The following MDGA2 variants were observed in gnomAD, a reference collection of about 807,000 sequenced individuals.
MDGA2 encodes MAM domain-containing glycosylphosphatidylinositol anchor protein 2.
MDGA2 carries 40 observed loss-of-function variants against 117.8 expected under a neutral mutation model. The observed-to-expected ratio is 0.34, with a 90% CI of 0.26 to 0.44. The LOEUF (loss-of-function observed/expected upper bound fraction) is 0.44, where lower values mean the gene tolerates loss of function less well. Among genes scored for constraint, MDGA2 ranks in the 20% least tolerant of loss-of-function variants. The pLI, the probability that MDGA2 is intolerant of heterozygous loss-of-function variation, is 1.00. For missense variants in MDGA2, 1,123 were observed against 1,250.6 expected, an observed-to-expected ratio of 0.90 and a Z score of 1.54; for synonymous variants, 452 against 439.0, an observed-to-expected ratio of 1.03 and a Z score of -0.37.
chr14:47,559,638 T>A (rs1334897923), intron 1 of MDGA2, among the ~76,000 whole-genome samples: 1 of 151,632 alleles, frequency 6.6e-6, no homozygotes, highest in Non-Finnish European at 1.5e-5. Context: ...AATGGCACGA[T>A]CTTGGCTCAC....
At chr14:47,290,335 G>T (rs1268875512) in intron 2 of MDGA2, among the ~76,000 whole-genome samples, 1 of 151,960 alleles carries the variant, frequency 6.6e-6, no homozygotes, top group Non-Finnish European at 1.5e-5. Flanking sequence ...AAAATAAAAA[G>T]GAGAACAAGT....
chr14:47,241,186 A>G (rs1367221037), intron 2 of MDGA2, among the ~76,000 whole-genome samples: 1 of 151,892 alleles, frequency 6.6e-6, no homozygotes, highest in Non-Finnish European at 1.5e-5. Flanking sequence ...AGTGTAACTA[A>G]TTCAACTCTC....
intron 1 of MDGA2, among the ~76,000 whole-genome samples, chr14:47,496,936 A>AT: frequency 6.6e-6 from 1 of 152,136 alleles, no homozygotes; most frequent in Non-Finnish European, 1.5e-5. Flanking sequence ...ATCATCAGGC[A>AT]TTAGATTCTC....
intron 14 of MDGA2, among the ~76,000 whole-genome samples, chr14:46,864,545 GTTTTTTTTT>G (rs71112467): frequency 0.36 from 18,425 of 51,546 alleles, 1,986 homozygotes; most frequent in South Asian, 0.58. Flanking sequence ...AGATATTGCT[GTTTTTTTTT>G]TTTTTTTTTT....
In MDGA2 at chr14:47,046,259, TGAA is replaced by T. The variant is rs370085977; in HGVS notation, c.1526-10958_1526-10956del. Among the ~76,000 whole-genome samples, 28 of 152,216 alleles carry T rather than the reference TGAA, an allele frequency of 1.8e-4. No individual in the cohort carries two copies. In the South Asian group the frequency reaches 5.0e-3, roughly 27 times the overall value. ...ACTAAGAAATGGCTAGGTCATTCGATGAAGAACTAGTCAACCTATAACCATTTC... is the reference window on the plus strand; with the variant it reads ...ACTAAGAAATGGCTAGGTCATTCGATGAACTAGTCAACCTATAACCATTTC... On this transcript the variant is annotated intron_variant, in intron 7 of 16. Transcript: ENST00000399232.
intron 9 of MDGA2, among the ~76,000 whole-genome samples, chr14:46,925,623 C>A (rs1884299015): frequency 9.1e-6 from 1 of 109,884 alleles, no homozygotes; most frequent in Non-Finnish European, 1.8e-5. Flanking sequence ...CAAAGCAAGA[C>A]TCTACCTCAA....
At chr14:47,361,568 C>A (rs1891126408) in intron 1 of MDGA2, among the ~76,000 whole-genome samples, 1 of 151,962 alleles carries the variant, frequency 6.6e-6, no homozygotes, top group African/African-American at 2.4e-5. Flanking sequence ...GTTGCTTTCA[C>A]CCCCAAATAA....
chr14:47,408,078 G>C (rs7147437), intron 1 of MDGA2, among the ~76,000 whole-genome samples: 1 of 136,526 alleles, frequency 7.3e-6, no homozygotes, highest in Non-Finnish European at 1.6e-5. Flanking sequence ...TTTTTTTTTG[G>C]TGGCATCTTG....
chr14:46,938,922 T>C (rs1884891738), intron 9 of MDGA2, among the ~76,000 whole-genome samples: 1 of 152,204 alleles, frequency 6.6e-6, no homozygotes, highest in African/African-American at 2.4e-5. Flanking sequence ...AATGAAATAC[T>C]ATTTGGCCAT....
intron 1 of MDGA2, among the ~76,000 whole-genome samples, chr14:47,540,563 T>TATATATATACACACACAC (rs370481455): frequency 3.6e-5 from 4 of 112,522 alleles, no homozygotes; most frequent in African/African-American, 1.2e-4. Context: ...TGTATATATA[T>TATATATATACACACACAC]ACACACACAC....
intron 8 of MDGA2, among the ~76,000 whole-genome samples, chr14:47,010,151 T>A (rs1328863775): frequency 6.6e-6 from 1 of 152,064 alleles, no homozygotes; most frequent in African/African-American, 2.4e-5. Flanking sequence ...CCATGTATAT[T>A]TCTGACTTCC....
At chr14:47,638,149 C>T (rs1019003989) in intron 1 of MDGA2, among the ~76,000 whole-genome samples, 6 of 152,134 alleles carry the variant, frequency 3.9e-5, no homozygotes, top group Non-Finnish European at 8.8e-5. Context: ...TAAGTCTGTA[C>T]GTGTCCACAG....
intron 7 of MDGA2, chr14:47,058,771 G>T (rs1023239897): frequency 2.0e-6 from 2 of 985,294 alleles, no homozygotes; most frequent in Non-Finnish European, 2.4e-6. Context: ...ATCATCTTCA[G>T]TAACTCATTC....
At chr14:47,354,569 C>T (rs1274207269) in intron 1 of MDGA2, among the ~76,000 whole-genome samples, 1 of 152,204 alleles carries the variant, frequency 6.6e-6, no homozygotes, top group East Asian at 1.9e-4. Context: ...TACTCCACCT[C>T]TAAATGCAAT....
At chr14:47,172,441 T>C (rs1055550902) in intron 3 of MDGA2, among the ~76,000 whole-genome samples, 2 of 151,398 alleles carry the variant, frequency 1.3e-5, no homozygotes, top group African/African-American at 4.9e-5. Flanking sequence ...GGTACTCCTC[T>C]GAGACAAAAC....
At chr14:47,591,440 A>G (rs1373385224) in intron 1 of MDGA2, among the ~76,000 whole-genome samples, 2 of 152,144 alleles carry the variant, frequency 1.3e-5, no homozygotes, top group Non-Finnish European at 2.9e-5. Context: ...TTCCTAACTC[A>G]TTTTATGAAG....
At chr14:47,198,904 G>A (rs189662668) in intron 3 of MDGA2, among the ~76,000 whole-genome samples, 89 of 152,096 alleles carry the variant, frequency 5.9e-4, no homozygotes, top group African/African-American at 2.1e-3. Flanking sequence ...ATCAATAAAC[G>A]CTGAATAAAA....
chr14:46,979,058 C>G (rs1378231624), intron 8 of MDGA2, among the ~76,000 whole-genome samples: 1 of 152,056 alleles, frequency 6.6e-6, no homozygotes, highest in Non-Finnish European at 1.5e-5. Context: ...TGCCATTTTT[C>G]CAACAGCATA....
chr14:47,560,704 A>C (rs1895782851), intron 1 of MDGA2, among the ~76,000 whole-genome samples: 1 of 152,134 alleles, frequency 6.6e-6, no homozygotes, highest in South Asian at 2.1e-4. Context: ...GAAGCTCTTT[A>C]GTTTAATTAG....
Sources: allele counts gnomAD v4.1 joint callset (sites outside exome capture counted in the v4.1 genomes callset), GRCh38; gene constraint gnomAD v4.1.1; transcripts MANE v1.5; gene names NCBI Gene and HGNC (gene_info 2026-07-23, HGNC 2026-07-21).